The following SFMBT2 variants were observed in gnomAD, a reference collection of about 807,000 sequenced individuals.
SFMBT2 encodes the protein scm-like with four MBT domains protein 2.
Under a neutral mutation model 110.1 loss-of-function variants are expected in SFMBT2, and 38 were observed. That is an observed-to-expected ratio of 0.35 (90% confidence interval 0.27 to 0.45). The LOEUF (loss-of-function observed/expected upper bound fraction) is 0.45. Ranked by LOEUF, SFMBT2 falls within the 20% of genes least tolerant of loss-of-function variation. The pLI is 1.00. For synonymous variants in SFMBT2, 425 were observed against 425.4 expected (o/e 1.00, Z 0.01); for missense variants, 1,011 against 1,094.9 (o/e 0.92, Z 1.08).
At chr10:7,185,058 T>G (rs1838353923) in intron 16 of SFMBT2, among the ~76,000 whole-genome samples, 1 of 152,218 alleles carries the variant, frequency 6.6e-6, no homozygotes, top group African/African-American at 2.4e-5. Context: ...TCTTTCTTCC[T>G]TCTTGCCTTT....
At chr10:7,174,197 T>C (rs1293111095) in intron 17 of SFMBT2, among the ~76,000 whole-genome samples, 3 of 152,300 alleles carry the variant, frequency 2.0e-5, no homozygotes, top group African/African-American at 4.8e-5. Flanking sequence ...TCCAGTTCTA[T>C]AAGGACCGTG....
intron 7 of SFMBT2, among the ~76,000 whole-genome samples, chr10:7,250,326 G>A (rs938562625): frequency 2.0e-5 from 3 of 152,122 alleles, no homozygotes; most frequent in Admixed American, 1.3e-4. Context: ...ACTTCTAAGC[G>A]AGAACATGAG....
In SFMBT2 at chr10:7,159,760, T is replaced by G. The variant is rs1721639724; in HGVS notation, c.*4010A>C. ...ACAACAAAGATTTTTAACACTACTGTTTTTTTTAGTTCTATATACAGAAAT... is the reference window on the plus strand; with the variant it reads ...ACAACAAAGATTTTTAACACTACTGGTTTTTTTAGTTCTATATACAGAAAT... On this transcript the variant is annotated 3_prime_UTR_variant, in exon 21 of 21. Coordinates refer to ENST00000397167, the MANE Select transcript of SFMBT2 (RefSeq NM_001387889.1). 6.6e-6 allele frequency: 1 copy of G among 151,990 alleles called. No homozygotes were observed. The highest frequency in any genetic ancestry group is 2.4e-5 in the African/African-American group (1 of 41,384). The allele number at this position is 151,990 out of a possible 1,614,324, so 9.4% of individuals were successfully genotyped here.
intron 1 of SFMBT2, among the ~76,000 whole-genome samples, chr10:7,410,355 C>T (rs1048600200): frequency 6.6e-6 from 1 of 152,254 alleles, no homozygotes; most frequent in African/African-American, 2.4e-5. Context: ...TTTTCTCCCA[C>T]CCAAACCAAA....
At chr10:7,383,368 A>G (rs1845480788) in intron 1 of SFMBT2, among the ~76,000 whole-genome samples, 1 of 152,166 alleles carries the variant, frequency 6.6e-6, no homozygotes, top group South Asian at 2.1e-4. Context: ...AGGTTCATGA[A>G]AGAGCATGTT....
intron 15 of SFMBT2, among the ~76,000 whole-genome samples, chr10:7,193,683 A>C (rs1482572523): frequency 6.6e-6 from 1 of 152,218 alleles, no homozygotes; most frequent in East Asian, 1.9e-4. Context: ...AGGCTGGCTC[A>C]CTGGTTTGCT....
At chr10:7,354,634 C>G (rs1844439650) in intron 4 of SFMBT2, among the ~76,000 whole-genome samples, 1 of 152,214 alleles carries the variant, frequency 6.6e-6, no homozygotes, top group Non-Finnish European at 1.5e-5. Context: ...TTCTAGTTCA[C>G]AGGGGCTGTA....
At chr10:7,305,548 T>C (rs1162487087) in intron 4 of SFMBT2, among the ~76,000 whole-genome samples, 1 of 152,214 alleles carries the variant, frequency 6.6e-6, no homozygotes, top group Admixed American at 6.5e-5. Flanking sequence ...AATTGCACCA[T>C]TATGGTAGGC....
chr10:7,201,613 C>T (rs577833316), intron 13 of SFMBT2, among the ~76,000 whole-genome samples: 2 of 152,334 alleles, frequency 1.3e-5, no homozygotes, highest in African/African-American at 4.8e-5. Context: ...AACTCGACTA[C>T]CGCAAGTGAA....
intron 12 of SFMBT2, chr10:7,205,304 C>G (rs1839092620): frequency 3.4e-6 from 2 of 590,258 alleles, no homozygotes; most frequent in Admixed American, 1.3e-4. Flanking sequence ...GTTGCCCAGG[C>G]TGGTCTCAAA....
At chr10:7,325,587 C>T (rs1315542720) in intron 4 of SFMBT2, among the ~76,000 whole-genome samples, 1 of 152,070 alleles carries the variant, frequency 6.6e-6, no homozygotes, top group African/African-American at 2.4e-5. Flanking sequence ...TCACAAAATG[C>T]CCAATCTTGA....
At chr10:7,384,664 T>C (rs1296179131) in intron 1 of SFMBT2, among the ~76,000 whole-genome samples, 1 of 152,178 alleles carries the variant, frequency 6.6e-6, no homozygotes, top group Admixed American at 6.5e-5. Context: ...ATTTTTGCTG[T>C]TGTTGTTAAC....
At chr10:7,352,258 C>A (rs947606324) in intron 4 of SFMBT2, among the ~76,000 whole-genome samples, 3 of 152,212 alleles carry the variant, frequency 2.0e-5, no homozygotes, top group Admixed American at 6.5e-5. Context: ...CTCCAGGTGC[C>A]AGGGTCAGGT....
intron 11 of SFMBT2, among the ~76,000 whole-genome samples, chr10:7,210,300 G>A (rs958000868): frequency 2.0e-5 from 3 of 152,178 alleles, no homozygotes; most frequent in African/African-American, 7.2e-5. Flanking sequence ...GTCTTCCTAG[G>A]AACACAGTTC....
chr10:7,295,424 C>G (rs988601554), intron 4 of SFMBT2: 1 of 152,190 alleles, frequency 6.6e-6, no homozygotes, highest in Non-Finnish European at 1.5e-5. Context: ...AGGCCACAGA[C>G]GAACTTGTGT....
At chr10:7,393,033 AT>A (rs1209681836) in intron 1 of SFMBT2, among the ~76,000 whole-genome samples, 35 of 25,154 alleles carry the variant, frequency 1.4e-3, no homozygotes, top group African/African-American at 8.3e-3. Flanking sequence ...ATATATATAT[AT>A]AATTTTTTTT....
chr10:7,164,438 T>G (rs1837639329), intron 20 of SFMBT2: 1 of 985,150 alleles, frequency 1.0e-6, no homozygotes, highest in Non-Finnish European at 1.2e-6. Context: ...CTAAGGGCAC[T>G]CTGGCTACTC....
At chr10:7,349,383 C>T (rs1288241292) in intron 4 of SFMBT2, among the ~76,000 whole-genome samples, 1 of 145,926 alleles carries the variant, frequency 6.9e-6, no homozygotes, top group Non-Finnish European at 1.5e-5. Flanking sequence ...GTGGGCAGGA[C>T]AGGATGCAGT....
chr10:7,312,551 C>T (rs1046802987), intron 4 of SFMBT2, among the ~76,000 whole-genome samples: 4 of 152,148 alleles, frequency 2.6e-5, no homozygotes, highest in African/African-American at 7.2e-5. Flanking sequence ...CCTGGACAAC[C>T]GGCCGGAGAC....
Sources: allele counts gnomAD v4.1 joint callset (sites outside exome capture counted in the v4.1 genomes callset), GRCh38; gene constraint gnomAD v4.1.1; transcripts MANE v1.5; gene names NCBI Gene and HGNC (gene_info 2026-07-23, HGNC 2026-07-21).